ASTN1: variants seen among roughly 807,000 people sequenced by gnomAD.
ASTN1 encodes astrotactin 1.
A neutral mutation model predicts 140.7 loss-of-function variants in ASTN1; 41 were observed. The ratio of observed to expected loss-of-function variants is 0.29; its 90% confidence interval spans 0.23 to 0.38. The LOEUF (loss-of-function observed/expected upper bound fraction) is 0.38. Among genes scored for constraint, ASTN1 ranks in the 10% least tolerant of loss-of-function variants. ASTN1 has a pLI of 1.00. For synonymous variants in ASTN1, 640 were observed against 652.2 expected (o/e 0.98, Z 0.29); for missense variants, 1,479 against 1,678.8 (o/e 0.88, Z 2.08).
chr1:176,950,284 C>G (rs1672141974), intron 11 of ASTN1, among the ~76,000 whole-genome samples: 1 of 152,180 alleles, frequency 6.6e-6, no homozygotes, highest in South Asian at 2.1e-4. Context: ...TATGAGGCAA[C>G]TGAGGCACAG....
At chr1:176,991,578 C>T (rs972245109) in intron 8 of ASTN1, among the ~76,000 whole-genome samples, 2 of 152,158 alleles carry the variant, frequency 1.3e-5, no homozygotes, top group Non-Finnish European at 2.9e-5. Context: ...GCGACCTGAT[C>T]GCTCGATAAT....
intron 17 of ASTN1, among the ~76,000 whole-genome samples, chr1:176,891,103 T>G (rs1021689559): frequency 6.6e-6 from 1 of 151,970 alleles, no homozygotes; most frequent in African/African-American, 2.4e-5. Context: ...CTGCAAACTG[T>G]TGGATGAGGA....
intron 8 of ASTN1, among the ~76,000 whole-genome samples, chr1:176,998,194 T>C (rs1674544956): frequency 6.6e-6 from 1 of 152,252 alleles, no homozygotes; most frequent in African/African-American, 2.4e-5. Flanking sequence ...ATTGCACCCC[T>C]CTGTACCACA....
intron 9 of ASTN1, among the ~76,000 whole-genome samples, chr1:176,963,929 G>A (rs763405750): frequency 6.6e-6 from 1 of 152,170 alleles, no homozygotes; most frequent in African/African-American, 2.4e-5. Context: ...TGTAGCCAAC[G>A]CCATTAGCTT....
intron 8 of ASTN1, among the ~76,000 whole-genome samples, chr1:176,985,845 TACACACACACACACACACAC>T (rs60769752): frequency 2.6e-4 from 34 of 129,742 alleles, no homozygotes; most frequent in African/African-American, 3.9e-4. Context: ...TCTCTCTCTC[TACACACACACACACACACAC>T]ACACACACAC....
chr1:177,091,007 C>A (rs1373389939), intron 1 of ASTN1, among the ~76,000 whole-genome samples: 1 of 151,976 alleles, frequency 6.6e-6, no homozygotes. Context: ...TGAGTCTGGT[C>A]CTGCTTGATA....
At chr1:176,967,894 T>C (rs754592688) in intron 8 of ASTN1, among the ~76,000 whole-genome samples, 4 of 151,382 alleles carry the variant, frequency 2.6e-5, no homozygotes, top group Admixed American at 6.6e-5. Flanking sequence ...AGGAGTGCAG[T>C]GTAGACCCCA....
At chr1:177,064,879 G>GA (rs1174174500) in intron 1 of ASTN1, among the ~76,000 whole-genome samples, 1 of 152,196 alleles carries the variant, frequency 6.6e-6, no homozygotes, top group Non-Finnish European at 1.5e-5. Flanking sequence ...GCCAACCAAT[G>GA]AAAAACCACA....
intron 11 of ASTN1, among the ~76,000 whole-genome samples, chr1:176,951,780 G>C (rs920836296): frequency 6.6e-6 from 1 of 152,168 alleles, no homozygotes; most frequent in Non-Finnish European, 1.5e-5. Context: ...AAGACAGTTA[G>C]CTGTCTTGTC....
chr1:176,891,392 C>A (rs1447502305), intron 17 of ASTN1, among the ~76,000 whole-genome samples: 3 of 152,206 alleles, frequency 2.0e-5, no homozygotes, highest in Non-Finnish European at 4.4e-5. Flanking sequence ...TATGCATCAG[C>A]CACTTGCTAG....
chr1:177,030,982 T>G, intron 3 of ASTN1, 30 bp from the exon 4 acceptor site: 1 of 1,593,986 alleles, frequency 6.3e-7, no homozygotes, highest in Non-Finnish European at 8.6e-7. Flanking sequence ...GGCAAAAACT[T>G]TAAGAGAAAA....
At position 176,861,333 on chromosome 1, in the gene ASTN1, T is replaced by C. The variant is rs1401552699; in HGVS notation, c.*2951A>G. On this transcript the variant is annotated 3_prime_UTR_variant, in exon 23 of 23. Coordinates refer to ENST00000361833, the MANE Select transcript of ASTN1 (RefSeq NM_004319.3). ...CACTCAATTAAAAGTCTAATGCTATTACAGTGGTTCATGTACATTCAAGAG... is the reference window on the plus strand; with the variant it reads ...CACTCAATTAAAAGTCTAATGCTATCACAGTGGTTCATGTACATTCAAGAG... The C allele has an allele frequency of 1.0e-6, 1 of 985,788 alleles. No individual in the cohort carries two copies. Among genetic ancestry groups the C allele is most frequent in the African/African-American group, 1.7e-5 (1 of 57,254 alleles). 61.1% of individuals were successfully genotyped at this position (985,788 alleles called of 1,614,324 possible).
chr1:176,964,694 G>A (rs1199037482), intron 9 of ASTN1, among the ~76,000 whole-genome samples: 1 of 152,110 alleles, frequency 6.6e-6, no homozygotes, highest in Non-Finnish European at 1.5e-5. Flanking sequence ...GGGAAGGCAG[G>A]GGCGGGAGAG....
chr1:176,860,226 C>G (rs1667924666), downstream of ASTN1, among the ~76,000 whole-genome samples: 1 of 152,196 alleles, frequency 6.6e-6, no homozygotes, highest in Admixed American at 6.5e-5. Flanking sequence ...AGTTATAAAC[C>G]TGCCCAGATC....
chr1:176,905,429 C>A (rs144244400), intron 16 of ASTN1, among the ~76,000 whole-genome samples: 22 of 152,306 alleles, frequency 1.4e-4, no homozygotes, highest in Admixed American at 7.2e-4. Context: ...TAATACTACT[C>A]CAACCGGCAA....
chr1:177,028,681 C>A (rs1436849144), intron 5 of ASTN1, among the ~76,000 whole-genome samples: 1 of 152,172 alleles, frequency 6.6e-6, no homozygotes, highest in African/African-American at 2.4e-5. Context: ...AGATGGGGCA[C>A]TGTATAAATA....
At chr1:177,021,313 A>T (rs1259796243) in intron 7 of ASTN1, among the ~76,000 whole-genome samples, 1 of 152,152 alleles carries the variant, frequency 6.6e-6, no homozygotes, top group African/African-American at 2.4e-5. Flanking sequence ...TTAGCAGGGG[A>T]GGGGCTTCCC....
chr1:176,884,570 C>A, intron 18 of ASTN1, 80 bp from the exon 19 acceptor site: 1 of 1,456,290 alleles, frequency 6.9e-7, no homozygotes, highest in Non-Finnish European at 9.4e-7. Context: ...AATTGTGATA[C>A]TGTAAGCTTT....
chr1:176,966,303 G>A (rs1672881196), intron 8 of ASTN1, among the ~76,000 whole-genome samples: 1 of 152,162 alleles, frequency 6.6e-6, no homozygotes, highest in Admixed American at 6.6e-5. Flanking sequence ...CCCATAGAGG[G>A]CATTTTGATA....
Sources: gnomAD v4.1 joint callset for allele counts (sites outside exome capture counted in the v4.1 genomes callset) on GRCh38, gnomAD v4.1.1 for gene constraint, MANE v1.5 for transcripts, NCBI Gene and HGNC (gene_info 2026-07-23, HGNC 2026-07-21) for gene names.